Variants in THRB observed in about 807,000 individuals in gnomAD.
The protein encoded by THRB is nuclear receptor subfamily 1 group A member 2.
Under a neutral mutation model 47.8 loss-of-function variants are expected in THRB, and 12 were observed. That is an observed-to-expected ratio of 0.25 (90% CI 0.16 to 0.41). THRB has a LOEUF of 0.41. Among genes scored for constraint, THRB ranks in the 10% least tolerant of loss-of-function variants. The pLI is 1.00. For synonymous variants in THRB, 218 were observed against 212.2 expected, an observed-to-expected ratio of 1.03 and a Z score of -0.24; for missense variants, 348 against 589.2, an observed-to-expected ratio of 0.59 and a Z score of 4.24.
chr3:24,401,234 T>C (rs2067374856), intron 1 of THRB, among the ~76,000 whole-genome samples: 1 of 152,064 alleles, frequency 6.6e-6, no homozygotes, highest in Admixed American at 6.6e-5. Flanking sequence ...TTTGATAACA[T>C]GTGAGGCTAT....
chr3:24,144,612 T>TCCAAAA (rs2035863018), intron 7 of THRB: 1 of 152,164 alleles, frequency 6.6e-6, no homozygotes, highest in Non-Finnish European at 1.5e-5. Flanking sequence ...GTGGTCAATT[T>TCCAAAA]CCAAAACCAA....
At chr3:24,363,073 T>C (rs1037137519) in intron 1 of THRB, among the ~76,000 whole-genome samples, 1 of 152,146 alleles carries the variant, frequency 6.6e-6, no homozygotes, top group African/African-American at 2.4e-5. Flanking sequence ...TTTAGAGCAG[T>C]TGATACCATT....
intron 1 of THRB, among the ~76,000 whole-genome samples, chr3:24,357,366 A>C (rs868817864): frequency 0.033 from 4,852 of 147,102 alleles, 311 homozygotes; most frequent in African/African-American, 0.082. Context: ...AAAAAAAAAA[A>C]AAAAAAAACA....
At chr3:24,481,090 A>T (rs1432946076) in intron 1 of THRB, among the ~76,000 whole-genome samples, 1 of 152,140 alleles carries the variant, frequency 6.6e-6, no homozygotes, top group East Asian at 1.9e-4. Flanking sequence ...TTCCTTACAA[A>T]TCATCAGATT....
At chr3:24,369,318 G>A (rs2064732977) in intron 1 of THRB, among the ~76,000 whole-genome samples, 1 of 152,052 alleles carries the variant, frequency 6.6e-6, no homozygotes, top group Non-Finnish European at 1.5e-5. Flanking sequence ...CTGCTGGGAG[G>A]TTTGACTCTC....
Position 24,448,292 on chromosome 3 carries a change from G to A in THRB, c.-261+46360C>T, listed in dbSNP as rs1190450371. 3.9e-5 allele frequency among the ~76,000 whole-genome samples: 6 copies of A among 152,134 alleles called. 1 individual carries two copies. The South Asian group carries it at 1.0e-3, about 26-fold the overall frequency. On this transcript the variant is annotated intron_variant, in intron 1 of 10. Transcript: ENST00000646209. ...AAAATCAGCATAATCACATAGAAAC[G>A]CAATTCAGGGATCAAAATGCTATTT...
At chr3:24,475,528 C>T (rs914575396) in intron 1 of THRB, among the ~76,000 whole-genome samples, 4 of 123,838 alleles carry the variant, frequency 3.2e-5, no homozygotes, top group Admixed American at 3.0e-4. Context: ...TATATGTCAA[C>T]ATATATATAG....
chr3:24,341,598 C>T (rs1374962079), intron 1 of THRB, among the ~76,000 whole-genome samples: 1 of 152,156 alleles, frequency 6.6e-6, no homozygotes, highest in African/African-American at 2.4e-5. Context: ...TTACCCCTCC[C>T]TGCATCTACC....
chr3:24,241,010 C>T (rs1576235249), intron 3 of THRB, among the ~76,000 whole-genome samples: 1 of 152,140 alleles, frequency 6.6e-6, no homozygotes, highest in Non-Finnish European at 1.5e-5. Flanking sequence ...CCAACACGTC[C>T]AGCTGTGTTG....
intron 1 of THRB, among the ~76,000 whole-genome samples, chr3:24,479,725 C>G (rs186779390): frequency 2.3e-4 from 35 of 152,292 alleles, no homozygotes; most frequent in African/African-American, 7.7e-4. Context: ...ATGAGGCCAA[C>G]AATCCTCAGG....
chr3:24,391,349 C>T (rs2066555538), intron 1 of THRB, among the ~76,000 whole-genome samples: 2 of 152,144 alleles, frequency 1.3e-5, no homozygotes, highest in Non-Finnish European at 2.9e-5. Flanking sequence ...ATCTACCAGT[C>T]TTGAATCATG....
intron 2 of THRB, among the ~76,000 whole-genome samples, chr3:24,302,735 A>T (rs1050224179): frequency 1.3e-5 from 2 of 152,222 alleles, no homozygotes; most frequent in Non-Finnish European, 2.9e-5. Flanking sequence ...TTTTCCCCAT[A>T]GCACTTGCCA....
intron 1 of THRB, among the ~76,000 whole-genome samples, chr3:24,423,318 G>A (rs1378993925): frequency 6.6e-6 from 1 of 151,860 alleles, no homozygotes; most frequent in African/African-American, 2.4e-5. Context: ...GAAGTAGATG[G>A]GGAAGGATGA....
chr3:24,419,842 T>G (rs1445738595), intron 1 of THRB, among the ~76,000 whole-genome samples: 2 of 151,878 alleles, frequency 1.3e-5, no homozygotes, highest in Non-Finnish European at 2.9e-5. Context: ...TTTAATGTAT[T>G]TCTGCAGAGG....
intron 3 of THRB, among the ~76,000 whole-genome samples, chr3:24,278,613 A>G (rs76221975): frequency 0.039 from 5,914 of 152,298 alleles, 171 homozygotes; most frequent in Middle Eastern, 0.088. Flanking sequence ...CTCTATTTAA[A>G]TTGCAACATT....
chr3:24,224,425 T>C (rs1472998617), intron 4 of THRB, among the ~76,000 whole-genome samples: 71 of 152,316 alleles, frequency 4.7e-4, no homozygotes, highest in African/African-American at 1.4e-3. Context: ...ACATTAGTTA[T>C]TTTTGAATGG....
chr3:24,441,796 C>T (rs1285406558), intron 1 of THRB, among the ~76,000 whole-genome samples: 3 of 152,136 alleles, frequency 2.0e-5, no homozygotes. Context: ...TTAGAGACTC[C>T]TTCCAAAACA....
At chr3:24,174,066 G>A (rs9310732) in intron 5 of THRB, among the ~76,000 whole-genome samples, 61,336 of 151,714 alleles carry the variant, frequency 0.4, 12,594 homozygotes, top group South Asian at 0.57. Flanking sequence ...ACATGTGCAG[G>A]ACGTGCAGGT....
chr3:24,445,723 G>A (rs1040007025), intron 1 of THRB, among the ~76,000 whole-genome samples: 19 of 152,102 alleles, frequency 1.2e-4, no homozygotes, highest in Admixed American at 5.2e-4. Context: ...TCATAAAAAC[G>A]TCCATGCCCT....
Sources: allele counts gnomAD v4.1 joint callset (sites outside exome capture counted in the v4.1 genomes callset), GRCh38; gene constraint gnomAD v4.1.1; transcripts MANE v1.5; gene names NCBI Gene and HGNC (gene_info 2026-07-23, HGNC 2026-07-21).